RFTN2: variants seen among roughly 807,000 people sequenced by gnomAD.
RFTN2 encodes raftlin family member 2.
In RFTN2, 34 loss-of-function variants were observed where a neutral mutation model predicts 52.7. The ratio of observed to expected loss-of-function variants is 0.64; its 90% confidence interval spans 0.49 to 0.86. The LOEUF is 0.86. Among genes scored for constraint, RFTN2 ranks in the 40% least tolerant of loss-of-function variants. The pLI is 0.00. For missense variants in RFTN2, 536 were observed against 600.1 expected, an observed-to-expected ratio of 0.89 and a Z score of 1.12; for synonymous variants, 203 against 217.7, an observed-to-expected ratio of 0.93 and a Z score of 0.59.
chr2:197,661,746 T>C (rs1489819244), intron 1 of RFTN2, among the ~76,000 whole-genome samples: 1 of 152,204 alleles, frequency 6.6e-6, no homozygotes, highest in Non-Finnish European at 1.5e-5. Context: ...CTAATTTACA[T>C]TCCCACCAAC....
At chr2:197,581,456 G>A (rs1416668310) in intron 8 of RFTN2, among the ~76,000 whole-genome samples, 4 of 152,112 alleles carry the variant, frequency 2.6e-5, no homozygotes, top group Non-Finnish European at 5.9e-5. Context: ...GCTTACCTGG[G>A]CTCTACTGCC....
chr2:197,608,779 C>T (rs2106202134), intron 7 of RFTN2, among the ~76,000 whole-genome samples: 1 of 152,138 alleles, frequency 6.6e-6, no homozygotes. Flanking sequence ...CTATCCCTCC[C>T]CCAGCTCCCC....
At chr2:197,659,028 A>T (rs1006863205) in intron 1 of RFTN2, among the ~76,000 whole-genome samples, 3 of 152,198 alleles carry the variant, frequency 2.0e-5, no homozygotes, top group African/African-American at 2.4e-5. Context: ...TCAAATTTTT[A>T]AAAATAGAAA....
intron 7 of RFTN2, among the ~76,000 whole-genome samples, chr2:197,606,500 G>A (rs1328411340): frequency 6.6e-6 from 1 of 152,134 alleles, no homozygotes; most frequent in Non-Finnish European, 1.5e-5. Context: ...AAACTAAACA[G>A]CTTCTGCACA....
rs752201875 is a variant in RFTN2 at position 197,572,300 on chromosome 2, T to A, written c.1234-20A>T. The A allele has an allele frequency of 6.2e-7, 1 of 1,609,382 alleles. No homozygotes were observed. Among genetic ancestry groups the A allele is most frequent in the Admixed American group, 1.7e-5 (1 of 59,910 alleles). On this transcript the variant is annotated intron_variant, in intron 8 of 8. Transcript: ENST00000295049. ...TTTCTTCTGAAACACAAGACATTGG[T>A]GACCAGGAGAGTTAAAAAGATGGGT... is the stretch of plus-strand genomic sequence containing the variant.
intron 8 of RFTN2, among the ~76,000 whole-genome samples, chr2:197,575,842 T>TACATA (rs2087406343): frequency 1.8e-5 from 2 of 108,372 alleles, no homozygotes. Context: ...ATATATTATA[T>TACATA]ATATTTTATA....
intron 7 of RFTN2, among the ~76,000 whole-genome samples, chr2:197,605,210 T>A (rs1005537149): frequency 1.3e-5 from 2 of 151,854 alleles, no homozygotes; most frequent in Non-Finnish European, 2.9e-5. Context: ...GAAAAATCAG[T>A]CTTGAATTTG....
chr2:197,656,293 T>C (rs2088893460), intron 1 of RFTN2, among the ~76,000 whole-genome samples: 1 of 152,196 alleles, frequency 6.6e-6, no homozygotes, highest in African/African-American at 2.4e-5. Flanking sequence ...TGCTTTGTAA[T>C]GAGGTCCTCT....
intron 1 of RFTN2, among the ~76,000 whole-genome samples, chr2:197,655,526 C>G (rs1282721342): frequency 6.6e-6 from 1 of 152,088 alleles, no homozygotes; most frequent in Non-Finnish European, 1.5e-5. Flanking sequence ...TGAACATAAG[C>G]TTATGTAAAG....
At chr2:197,612,385 C>T (rs932967972) in intron 7 of RFTN2, among the ~76,000 whole-genome samples, 1 of 152,130 alleles carries the variant, frequency 6.6e-6, no homozygotes, top group African/African-American at 2.4e-5. Context: ...CATTCCTGCC[C>T]ACACTCCAGA....
intron 1 of RFTN2, among the ~76,000 whole-genome samples, chr2:197,649,886 G>A (rs957409425): frequency 3.3e-5 from 5 of 152,124 alleles, no homozygotes; most frequent in Admixed American, 1.3e-4. Context: ...GTATTTCAAT[G>A]GTTCTGTATT....
intron 5 of RFTN2, among the ~76,000 whole-genome samples, chr2:197,623,156 A>G (rs1340769011): frequency 4.6e-5 from 7 of 152,234 alleles, no homozygotes; most frequent in Admixed American, 1.3e-4. Context: ...CCTCTGATGG[A>G]TCTGGGCAAA....
chr2:197,640,956 C>G (rs1473882002), intron 3 of RFTN2, among the ~76,000 whole-genome samples: 1 of 152,186 alleles, frequency 6.6e-6, no homozygotes, highest in Non-Finnish European at 1.5e-5. Flanking sequence ...TCTTATCCTT[C>G]TTTGTATTGC....
chr2:197,587,995 A>T (rs2106176886), intron 8 of RFTN2: 1 of 470,920 alleles, frequency 2.1e-6, no homozygotes, highest in South Asian at 1.6e-5. Context: ...CTCTTACCTT[A>T]TTCTTTTCAC....
Position 197,615,953 on chromosome 2 carries a change from G to T in RFTN2, c.1077C>A (p.Gly359=). The T allele has an allele frequency of 2.6e-6, 4 of 1,556,398 alleles. No individual in the cohort carries two copies. The highest frequency in any genetic ancestry group is 3.5e-6 in the Non-Finnish European group (4 of 1,148,268). Residue 359 remains glycine (G), a synonymous_variant, in exon 7 of 9, where the codon GGC becomes GGA. Transcript: ENST00000295049. ...IEGCEIKTDY[G]PLLHTLAEFG... ...ATTCAGCCAGAGTGTGCAGCAGAGG[G>T]CCATAATCTGTTTTGATTTCACATC...
Position 197,572,248 on chromosome 2 carries a change from G to C in RFTN2, c.1266C>G (p.Asp422Glu). The C allele has an allele frequency of 6.2e-7, 1 of 1,614,146 alleles. No homozygotes were observed. The highest frequency in any genetic ancestry group is 8.5e-7 in the Non-Finnish European group (1 of 1,179,960). Residue 422 changes from aspartate (D) to glutamate (E), a missense_variant, in exon 9 of 9, where the codon GAC becomes GAG. Physicochemically the swap from Asp to Glu is conservative, Grantham distance 45 (BLOSUM62 2). Coordinates refer to ENST00000295049, the MANE Select transcript of RFTN2 (RefSeq NM_144629.3). ...KKASRHIKGEDKNKATSRSIG... is the reference protein window; with the variant it reads ...KKASRHIKGEEKNKATSRSIG... The stretch of plus-strand genomic sequence containing the variant: ...TGCTTCTACTAGTGGCTTTATTCTT[G>C]TCTTCACCTTTTATGTGGCGGCTGG...
intron 3 of RFTN2, among the ~76,000 whole-genome samples, chr2:197,638,246 C>T (rs2088602077): frequency 9.6e-6 from 1 of 104,056 alleles, no homozygotes; most frequent in African/African-American, 3.1e-5. Context: ...CTGTAGATGT[C>T]TATTAGATCC....
chr2:197,636,453 A>C lies in RFTN2; in HGVS notation c.439-2456T>G, dbSNP rs1410232241. Reference sequence around the variant, plus strand: ...GTAGTTCTCCTTGAAGAGGTCCTTCACATCCCTTGTAAGTTGGATTCCTAG... The same window carrying C: ...GTAGTTCTCCTTGAAGAGGTCCTTCCCATCCCTTGTAAGTTGGATTCCTAG... On this transcript the variant is annotated intron_variant, in intron 3 of 8. Coordinates refer to ENST00000295049, the MANE Select transcript of RFTN2 (RefSeq NM_144629.3). Among the ~76,000 whole-genome samples the C allele has an allele frequency of 2.9e-4, 37 of 127,908 alleles. 2 individuals are homozygous for C. The East Asian group carries it at 8.0e-3, about 28-fold the overall frequency. 83.9% of individuals were successfully genotyped at this position (127,908 alleles called of 152,430 possible). A position where few individuals can be genotyped will look rare whatever the true frequency, so the allele number is the denominator to read the frequency against.
chr2:197,647,374 T>C (rs933304862), intron 1 of RFTN2, among the ~76,000 whole-genome samples: 7 of 152,098 alleles, frequency 4.6e-5, no homozygotes, highest in Non-Finnish European at 8.8e-5. Flanking sequence ...CACACCCGGC[T>C]GAGTTTTGTA....
Sources: allele counts gnomAD v4.1 joint callset (sites outside exome capture counted in the v4.1 genomes callset), GRCh38; gene constraint gnomAD v4.1.1; transcripts MANE v1.5; gene names NCBI Gene and HGNC (gene_info 2026-07-23, HGNC 2026-07-21).